Variants in RNF43 observed in about 807,000 individuals in gnomAD.
RNF43 encodes the protein ring finger protein 43, also known as E3 ubiquitin-protein ligase RNF43.
RNF43 carries 37 observed loss-of-function variants against 78.4 expected under a neutral mutation model. That is an observed-to-expected ratio of 0.47 (90% CI 0.36 to 0.62). The LOEUF (loss-of-function observed/expected upper bound fraction) is 0.62, where lower values mean the gene tolerates loss of function less well. RNF43 is among the 20% of genes least tolerant of loss of function. RNF43 has a pLI of 0.00. For missense variants in RNF43, 774 were observed against 1,007.9 expected, an observed-to-expected ratio of 0.77 and a Z score of 3.14; for synonymous variants, 347 against 395.0, an observed-to-expected ratio of 0.88 and a Z score of 1.44.
chr17:58,406,881 A>G (rs1459148802), intron 2 of RNF43, among the ~76,000 whole-genome samples: 1 of 151,886 alleles, frequency 6.6e-6, no homozygotes, highest in Admixed American at 6.6e-5. Flanking sequence ...TATGTATAAC[A>G]ATACCTTTTT....
chr17:58,367,110 C>T (rs1422662280), intron 3 of RNF43, among the ~76,000 whole-genome samples: 1 of 151,530 alleles, frequency 6.6e-6, no homozygotes, highest in Non-Finnish European at 1.5e-5. Context: ...AAGCGATTCT[C>T]CTGTCTCAGC....
intron 2 of RNF43, among the ~76,000 whole-genome samples, chr17:58,408,225 C>T (rs1973952800): frequency 6.6e-6 from 1 of 152,116 alleles, no homozygotes; most frequent in Non-Finnish European, 1.5e-5. Flanking sequence ...CATCTGGAGT[C>T]CTTAGATCTC....
At chr17:58,352,973 G>A (rs888598913), downstream of RNF43, 1 of 217,482 alleles carries the variant, frequency 4.6e-6, no homozygotes, top group Non-Finnish European at 9.2e-6. Flanking sequence ...AGCAGAAGGG[G>A]AACTTGTGCC....
At chr17:58,369,740 C>T (rs1403738573) in intron 3 of RNF43, among the ~76,000 whole-genome samples, 1 of 152,226 alleles carries the variant, frequency 6.6e-6, no homozygotes, top group Non-Finnish European at 1.5e-5. Context: ...CTTCACTTGT[C>T]TCATACATCA....
rs751841052 is a variant in RNF43 at position 58,360,109 on chromosome 17, G to A, written c.952+40C>T. On this transcript the variant is annotated intron_variant, in intron 8 of 9. Coordinates refer to ENST00000407977, the MANE Select transcript of RNF43 (RefSeq NM_017763.6). This position sits in a 1 kb window ranked among gnomAD's most constrained non-coding sequence, Gnocchi z 4.3. ...CAAAGGGAAGCCACATTCTAGACCT[G>A]TCTGCCTACACAGAGGGGAGTCCTT... is the stretch of plus-strand genomic sequence containing the variant. 9 of 1,486,452 alleles carry A rather than the reference G, an allele frequency of 6.1e-6. No homozygotes were observed. In the African/African-American group the frequency reaches 1.1e-4, roughly 18 times the overall value. The allele number at this position is 1,486,452 out of a possible 1,614,324, so 92.1% of individuals were successfully genotyped here.
At chr17:58,400,127 A>G (rs1439795507) in intron 2 of RNF43, among the ~76,000 whole-genome samples, 1 of 152,182 alleles carries the variant, frequency 6.6e-6, no homozygotes, top group African/African-American at 2.4e-5. Flanking sequence ...GAACAGGCAC[A>G]CATACAAAGG....
rs1972817937 is a variant in RNF43, at chr17:58,360,746, G to T, written c.849+37C>A. The T allele has an allele frequency of 6.4e-7, 1 of 1,567,056 alleles. No homozygotes were observed. Among genetic ancestry groups the T allele is most frequent in the Non-Finnish European group, 8.7e-7 (1 of 1,153,532 alleles). ...CCCTCCCCCAGCTTCAATCTCCCCA[G>T]TCTGGTCATGGAGGTGAACCACAAG... is the stretch of plus-strand genomic sequence containing the variant. On this transcript the variant is annotated intron_variant, in intron 7 of 9. Transcript: ENST00000407977. The surrounding 1 kb of genome is among the most constrained non-coding windows in gnomAD (Gnocchi z 4.3).
At chr17:58,371,521 C>T (rs1346946033) in intron 2 of RNF43, among the ~76,000 whole-genome samples, 1 of 152,242 alleles carries the variant, frequency 6.6e-6, no homozygotes, top group Non-Finnish European at 1.5e-5. Flanking sequence ...TCGGGATGCC[C>T]CCAGGCAACT....
chr17:58,369,581 A>C lies in RNF43; in HGVS notation c.375+1330T>G, dbSNP rs116740046. Among the ~76,000 whole-genome samples the C allele has an allele frequency of 8.0e-3, 1,218 of 152,296 alleles. 21 individuals are homozygous for C. The highest frequency in any genetic ancestry group is 0.028 in the African/African-American group (1,182 of 41,556). ...CGTGTGTGCCACACACAATCTGACTACACTCCACACGTATGTTCAGTTTTC... is the reference window on the plus strand; with the variant it reads ...CGTGTGTGCCACACACAATCTGACTCCACTCCACACGTATGTTCAGTTTTC... On this transcript the variant is annotated intron_variant, in intron 3 of 9. Transcript: ENST00000407977.
At position 58,358,383 on chromosome 17, in the gene RNF43, C is replaced by T. The variant is rs2143413804; in HGVS notation, c.1393G>A (p.Asp465Asn). The T allele has an allele frequency of 1.2e-6, 2 of 1,614,152 alleles. No individual in the cohort carries two copies. The highest frequency in any genetic ancestry group is 2.2e-5 in the East Asian group (1 of 44,890). ...CCATGACAGGGCCCTGAGCTGGAGT[C>T]ACTGGCTGGCCCATCTGCCAGGTAC... ...SGYLADGPAS[D>N]SSSGPCHGSS... The change falls in exon 9 of 10, where the codon GAC becomes AAC. Residue 465 changes from aspartate (D) to asparagine (N), a missense_variant. Asp to Asn is a conservative substitution (Grantham distance 23). Transcript: ENST00000407977. This position sits in a 1 kb window ranked among gnomAD's most constrained non-coding sequence, Gnocchi z 6.2.
At chr17:58,356,729 A>AC (rs1378493927) in intron 9 of RNF43, among the ~76,000 whole-genome samples, 2 of 151,590 alleles carry the variant, frequency 1.3e-5, no homozygotes, top group Non-Finnish European at 2.9e-5. Flanking sequence ...GTTATGTGTA[A>AC]TTATTTCTAC....
intron 2 of RNF43, among the ~76,000 whole-genome samples, chr17:58,414,503 T>G (rs1028277367): frequency 6.6e-6 from 1 of 152,220 alleles, no homozygotes; most frequent in East Asian, 1.9e-4. Context: ...TAAAAAGGTA[T>G]AGCCCTCTAG....
intron 3 of RNF43, among the ~76,000 whole-genome samples, chr17:58,364,888 T>C (rs1029642327): frequency 1.3e-5 from 2 of 152,202 alleles, no homozygotes; most frequent in Non-Finnish European, 2.9e-5. Context: ...CTCCTTTCCT[T>C]GCTCCAGCTC....
intron 3 of RNF43, among the ~76,000 whole-genome samples, chr17:58,365,284 C>T (rs2143483526): frequency 6.6e-6 from 1 of 152,258 alleles, no homozygotes. Flanking sequence ...ATCTCCTATT[C>T]CAGGGATTTG....
chr17:58,401,340 G>A (rs1276500285), intron 2 of RNF43, among the ~76,000 whole-genome samples: 1 of 152,230 alleles, frequency 6.6e-6, no homozygotes, highest in Non-Finnish European at 1.5e-5. Context: ...TCCTGATATT[G>A]GAACATCCAT....
intron 2 of RNF43, among the ~76,000 whole-genome samples, chr17:58,392,702 T>C (rs1355214675): frequency 8.5e-5 from 13 of 152,236 alleles, no homozygotes; most frequent in African/African-American, 1.9e-4. Flanking sequence ...ACAAGAAACT[T>C]TGGCAACAAT....
chr17:58,387,114 T>C (rs886119721), intron 2 of RNF43, among the ~76,000 whole-genome samples: 4 of 152,216 alleles, frequency 2.6e-5, no homozygotes, highest in South Asian at 2.1e-4. Context: ...TTGTGATTCG[T>C]ACTTCACACT....
chr17:58,368,107 C>G (rs1393585904), intron 3 of RNF43, among the ~76,000 whole-genome samples: 7 of 152,186 alleles, frequency 4.6e-5, no homozygotes, highest in African/African-American at 1.7e-4. Flanking sequence ...TTGAGAGCCC[C>G]AGCTCTGTCA....
intron 2 of RNF43, among the ~76,000 whole-genome samples, chr17:58,373,030 G>C (rs1199515656): frequency 2.0e-5 from 3 of 152,236 alleles, no homozygotes; most frequent in African/African-American, 7.2e-5. Flanking sequence ...GAAGACTGTG[G>C]AGGAGACTCT....
Sources: gnomAD v4.1 joint callset for allele counts (sites outside exome capture counted in the v4.1 genomes callset) on GRCh38, gnomAD v4.1.1 for gene constraint, Gnocchi (gnomAD v3.1) non-coding constraint, MANE v1.5 for transcripts, NCBI Gene and HGNC (gene_info 2026-07-23, HGNC 2026-07-21) for gene names.